Variants in MAGI1 observed in about 807,000 individuals in gnomAD.
The protein encoded by MAGI1 is membrane associated guanylate kinase, WW and PDZ domain containing 1.
A neutral mutation model predicts 139.9 loss-of-function variants in MAGI1; 58 were observed. The ratio of observed to expected loss-of-function variants is 0.41; its 90% CI spans 0.34 to 0.52. The LOEUF (loss-of-function observed/expected upper bound fraction) is 0.52, where lower values mean the gene tolerates loss of function less well. Among genes scored for constraint, MAGI1 ranks in the 20% least tolerant of loss-of-function variants. The pLI, the probability that MAGI1 is intolerant of heterozygous loss-of-function variation, is 0.12. For missense variants in MAGI1, 1,874 were observed against 1,901.6 expected (o/e 0.99, Z 0.27); for synonymous variants, 812 against 737.9 (o/e 1.10, Z -1.63).
At chr3:65,962,724 T>G (rs1303377906) in intron 1 of MAGI1, among the ~76,000 whole-genome samples, 2 of 148,380 alleles carry the variant, frequency 1.3e-5, no homozygotes, top group African/African-American at 5.0e-5. Context: ...ACTCAGGAGG[T>G]TGAGACACAA....
intron 10 of MAGI1, among the ~76,000 whole-genome samples, chr3:65,433,737 G>A (rs903375288): frequency 4.6e-5 from 7 of 152,022 alleles, no homozygotes; most frequent in African/African-American, 1.4e-4. Context: ...TCTGGGTCTT[G>A]GCCCAAAACT....
intron 1 of MAGI1, among the ~76,000 whole-genome samples, chr3:65,710,097 G>C (rs1296105781): frequency 6.6e-6 from 1 of 151,996 alleles, no homozygotes; most frequent in East Asian, 1.9e-4. Flanking sequence ...TATGTTAAGA[G>C]GTTACTCCCC....
At chr3:65,867,275 G>A (rs1384989471) in intron 1 of MAGI1, among the ~76,000 whole-genome samples, 1 of 152,168 alleles carries the variant, frequency 6.6e-6, no homozygotes, top group Non-Finnish European at 1.5e-5. Context: ...AGGGCCAGGG[G>A]GTCCCTGAGG....
intron 1 of MAGI1, among the ~76,000 whole-genome samples, chr3:65,995,078 G>GAA (rs530835526): frequency 1.3e-3 from 195 of 152,220 alleles, no homozygotes; most frequent in African/African-American, 4.5e-3. Context: ...GTTTCTCGGG[G>GAA]ACAAAAACAT....
At chr3:65,594,665 C>T (rs1190395054) in intron 2 of MAGI1, among the ~76,000 whole-genome samples, 4 of 151,920 alleles carry the variant, frequency 2.6e-5, no homozygotes, top group Non-Finnish European at 5.9e-5. Flanking sequence ...GTCTGATTAT[C>T]AACATAAGAA....
intron 1 of MAGI1, among the ~76,000 whole-genome samples, chr3:65,690,360 T>C (rs894337366): frequency 2.6e-5 from 4 of 152,214 alleles, no homozygotes; most frequent in Non-Finnish European, 5.9e-5. Flanking sequence ...CTGTAGACAG[T>C]TGGAGTTGGC....
At chr3:65,680,484 C>G (rs1186372361) in intron 1 of MAGI1, among the ~76,000 whole-genome samples, 2 of 152,130 alleles carry the variant, frequency 1.3e-5, no homozygotes, top group Non-Finnish European at 1.5e-5. Context: ...TGGTGCATCA[C>G]AGCTCACAGA....
At chr3:65,978,041 T>C (rs951229943) in intron 1 of MAGI1, among the ~76,000 whole-genome samples, 3 of 152,196 alleles carry the variant, frequency 2.0e-5, no homozygotes, top group African/African-American at 7.2e-5. Flanking sequence ...GTTATTTTTT[T>C]CCGCATTTAT....
intron 2 of MAGI1, among the ~76,000 whole-genome samples, chr3:65,525,826 T>C (rs1042230513): frequency 2.6e-5 from 4 of 152,198 alleles, no homozygotes; most frequent in African/African-American, 9.7e-5. Context: ...ATTGTACAAG[T>C]ATACAATTAG....
intron 1 of MAGI1, among the ~76,000 whole-genome samples, chr3:65,777,974 A>C (rs960288914): frequency 6.6e-6 from 1 of 152,230 alleles, no homozygotes; most frequent in Non-Finnish European, 1.5e-5. Context: ...ATAGGTATGC[A>C]TAATAATTCA....
chr3:65,568,582 T>C (rs768181787), intron 2 of MAGI1, among the ~76,000 whole-genome samples: 2 of 152,198 alleles, frequency 1.3e-5, no homozygotes, highest in Non-Finnish European at 1.5e-5. Context: ...TAATAGGGAC[T>C]GCACACTCAA....
intron 2 of MAGI1, among the ~76,000 whole-genome samples, chr3:65,516,081 G>C (rs923731911): frequency 2.0e-5 from 3 of 152,142 alleles, no homozygotes; most frequent in African/African-American, 4.8e-5. Flanking sequence ...GGCACACACT[G>C]ATAGTCCCAG....
intron 20 of MAGI1, among the ~76,000 whole-genome samples, chr3:65,364,057 C>G (rs896085627): frequency 6.6e-6 from 1 of 151,372 alleles, no homozygotes; most frequent in Non-Finnish European, 1.5e-5. Context: ...AAGAAAGAAC[C>G]CAGCTGGGGA....
intron 2 of MAGI1, among the ~76,000 whole-genome samples, chr3:65,573,874 A>G (rs1440463294): frequency 6.6e-6 from 1 of 152,122 alleles, no homozygotes; most frequent in Non-Finnish European, 1.5e-5. Context: ...AAGTTTCATA[A>G]GAACACAGTC....
rs140079147 is a variant in MAGI1, at chr3:65,424,030, T to A, written c.2167+5490A>T. Among the ~76,000 whole-genome samples, 1,005 of 152,336 alleles carry A rather than the reference T, an allele frequency of 6.6e-3. 5 individuals carry two copies. Among genetic ancestry groups the A allele is most frequent in the Non-Finnish European group, 0.011 (778 of 68,028 alleles). On this transcript the variant is annotated intron_variant, in intron 12 of 22. Coordinates refer to ENST00000402939, the MANE Select transcript of MAGI1 (RefSeq NM_001033057.2). Reference sequence around the variant, plus strand: ...CATTTCACAAGGATCCAACCCATCATCACATTGCAAATTGGTGGCAGTTTC... The same window carrying A: ...CATTTCACAAGGATCCAACCCATCAACACATTGCAAATTGGTGGCAGTTTC...
chr3:65,376,708 C>G (rs1942569670), intron 17 of MAGI1, among the ~76,000 whole-genome samples: 1 of 152,198 alleles, frequency 6.6e-6, no homozygotes, highest in African/African-American at 2.4e-5. Context: ...AAAATCCCCT[C>G]AAAGGACTAC....
chr3:65,589,784 C>T (rs1413005252), intron 2 of MAGI1, among the ~76,000 whole-genome samples: 2 of 151,690 alleles, frequency 1.3e-5, no homozygotes, highest in Non-Finnish European at 2.9e-5. Context: ...CAAATCTGAC[C>T]TCAGGACCCT....
intron 1 of MAGI1, among the ~76,000 whole-genome samples, chr3:66,013,406 T>A (rs201482355): frequency 0.028 from 3,037 of 108,030 alleles, no homozygotes; most frequent in Middle Eastern, 0.037. Context: ...CTGTCTCAAA[T>A]AAAAAAAAAA....
intron 1 of MAGI1, among the ~76,000 whole-genome samples, chr3:65,957,520 CAAA>C (rs761240940): frequency 0.011 from 334 of 31,052 alleles, 3 homozygotes; most frequent in Middle Eastern, 0.062. Context: ...GACTTCATCT[CAAA>C]AAAAAAAAAA....
Sources: gnomAD v4.1 joint callset for allele counts (sites outside exome capture counted in the v4.1 genomes callset) on GRCh38, gnomAD v4.1.1 for gene constraint, MANE v1.5 for transcripts, NCBI Gene and HGNC (gene_info 2026-07-23, HGNC 2026-07-21) for gene names.